MTHFD1L: variants seen among roughly 807,000 people sequenced by gnomAD.
MTHFD1L encodes the protein methylenetetrahydrofolate dehydrogenase (NADP+ dependent) 1 like.
MTHFD1L carries 81 observed loss-of-function variants against 119.5 expected under a neutral mutation model. The ratio of observed to expected loss-of-function variants is 0.68; its 90% confidence interval spans 0.57 to 0.82. The LOEUF (loss-of-function observed/expected upper bound fraction) is 0.82. Ranked by LOEUF, MTHFD1L falls within the 40% of genes least tolerant of loss-of-function variation. The probability of loss-of-function intolerance (pLI) is 0.00; values close to 1 mark genes in which losing one functional copy is unlikely to be tolerated. For synonymous variants in MTHFD1L, 430 were observed against 475.2 expected (o/e 0.90, Z 1.24); for missense variants, 1,125 against 1,253.4 (o/e 0.90, Z 1.55).
chr6:150,893,831 T>C (rs1232681420), intron 7 of MTHFD1L, among the ~76,000 whole-genome samples: 1 of 152,180 alleles, frequency 6.6e-6, no homozygotes, highest in Admixed American at 6.5e-5. Flanking sequence ...AGCATAGGCT[T>C]TGGGGACACA....
At chr6:150,952,021 G>A (rs1205672654) in intron 16 of MTHFD1L, among the ~76,000 whole-genome samples, 1 of 152,202 alleles carries the variant, frequency 6.6e-6, no homozygotes, top group Non-Finnish European at 1.5e-5. Flanking sequence ...ATGGATCTTG[G>A]AAGAGAAAGG....
chr6:150,871,901 A>ACG (rs1779602403), intron 1 of MTHFD1L, among the ~76,000 whole-genome samples: 1 of 144,800 alleles, frequency 6.9e-6, no homozygotes, highest in African/African-American at 2.7e-5. Flanking sequence ...ATTTTTTGAG[A>ACG]CAGTCTCACT....
chr6:150,898,582 G>A (rs1784624654), intron 7 of MTHFD1L, among the ~76,000 whole-genome samples: 1 of 152,206 alleles, frequency 6.6e-6, no homozygotes, highest in African/African-American at 2.4e-5. Context: ...AAAGTTTGTG[G>A]CTGCAGCATG....
rs543765483 is a variant in MTHFD1L at position 151,018,717 on chromosome 6, AC to A, written c.2586+3030del. 2.6e-5 allele frequency among the ~76,000 whole-genome samples: 4 copies of A among 151,984 alleles called. No individual in the cohort carries two copies. In the East Asian group the frequency reaches 7.8e-4, roughly 29 times the overall value. On this transcript the variant is annotated intron_variant, in intron 24 of 27. Coordinates refer to ENST00000367321, the MANE Select transcript of MTHFD1L (RefSeq NM_015440.5). ...AGTTAAAGGGGACAGTGACTGAGTG[AC>A]CCCCCTGAAGAGAAAGGGTGACAGT... is the stretch of plus-strand genomic sequence containing the variant.
intron 18 of MTHFD1L, among the ~76,000 whole-genome samples, chr6:150,961,088 A>AC (rs1491242390): frequency 7.8e-6 from 1 of 128,964 alleles, no homozygotes; most frequent in Non-Finnish European, 1.6e-5. Flanking sequence ...TTTCCTGTTA[A>AC]CTTTTTTTTT....
chr6:150,909,266 TAA>T (rs74724132), intron 8 of MTHFD1L, among the ~76,000 whole-genome samples: 12 of 140,282 alleles, frequency 8.6e-5, no homozygotes, highest in Non-Finnish European at 9.3e-5. Flanking sequence ...GTAACTACTT[TAA>T]AAAAAAAAAA....
chr6:150,889,462 G>A (rs1362816679), intron 7 of MTHFD1L, among the ~76,000 whole-genome samples: 1 of 152,126 alleles, frequency 6.6e-6, no homozygotes, highest in East Asian at 1.9e-4. Context: ...AAACCCCAAA[G>A]TTTTTCTTTC....
intron 19 of MTHFD1L, among the ~76,000 whole-genome samples, chr6:150,966,577 C>CT (rs1264425283): frequency 6.6e-6 from 1 of 152,168 alleles, no homozygotes; most frequent in Non-Finnish European, 1.5e-5. Flanking sequence ...AATCCCAGCA[C>CT]TTTGGGAGGC....
chr6:150,970,174 G>A (rs1376603590), intron 19 of MTHFD1L, among the ~76,000 whole-genome samples: 1 of 152,184 alleles, frequency 6.6e-6, no homozygotes, highest in Non-Finnish European at 1.5e-5. Flanking sequence ...AATCCTGACT[G>A]CACTTGAGAA....
intron 27 of MTHFD1L, among the ~76,000 whole-genome samples, chr6:151,095,708 A>G (rs1368551751): frequency 6.6e-6 from 1 of 152,250 alleles, no homozygotes; most frequent in East Asian, 1.9e-4. Context: ...ATGGGTGGTC[A>G]CAGCACCTCT....
chr6:151,038,415 G>A (rs892238459), intron 26 of MTHFD1L, among the ~76,000 whole-genome samples: 1 of 152,102 alleles, frequency 6.6e-6, no homozygotes, highest in Non-Finnish European at 1.5e-5. Flanking sequence ...TGGATGAGGG[G>A]GGGTGGCTGG....
intron 20 of MTHFD1L, among the ~76,000 whole-genome samples, chr6:150,976,636 C>G (rs1412047030): frequency 6.6e-6 from 1 of 151,984 alleles, no homozygotes; most frequent in African/African-American, 2.4e-5. Context: ...AAGCTCAAAC[C>G]ATAGAGAAAA....
chr6:151,100,019 T>G, intron 27 of MTHFD1L: 2 of 663,130 alleles, frequency 3.0e-6, no homozygotes, highest in Non-Finnish European at 5.1e-6. Context: ...AAGAAAGAAA[T>G]ATTTTCTTTC....
At chr6:150,911,647 A>C (rs1786899184) in intron 8 of MTHFD1L, among the ~76,000 whole-genome samples, 1 of 152,096 alleles carries the variant, frequency 6.6e-6, no homozygotes, top group African/African-American at 2.4e-5. Flanking sequence ...AGCAAGAGAG[A>C]GGGAGGGCGT....
intron 24 of MTHFD1L, among the ~76,000 whole-genome samples, chr6:151,023,919 G>A (rs901065715): frequency 5.9e-5 from 9 of 152,128 alleles, no homozygotes; most frequent in African/African-American, 2.2e-4. Flanking sequence ...TGGAGAGAGT[G>A]TCCACTTTCT....
In MTHFD1L at chr6:150,866,464, C is replaced by G. The variant is rs954205785; in HGVS notation, c.227+415C>G. 4 of 1,317,252 alleles carry G rather than the reference C, an allele frequency of 3.0e-6. No homozygotes were observed. In the Admixed American group the frequency reaches 1.7e-4, roughly 55 times the overall value. The allele number at this position is 1,317,252 out of a possible 1,614,324, so 81.6% of individuals were successfully genotyped here. On this transcript the variant is annotated intron_variant, in intron 1 of 27. Transcript: ENST00000367321. ...GGAGGAGGGCGGGGCTGCGGCTCGG[C>G]GCGCCGGCTGGCCCGGGGTTCGGGA...
chr6:151,053,263 GT>G (rs563157661), intron 26 of MTHFD1L, among the ~76,000 whole-genome samples: 6 of 151,014 alleles, frequency 4.0e-5, no homozygotes, highest in Non-Finnish European at 5.9e-5. Flanking sequence ...TCTTTGCTCT[GT>G]TTTTTTTTAT....
intron 24 of MTHFD1L, among the ~76,000 whole-genome samples, chr6:151,019,587 C>T (rs910316891): frequency 9.2e-5 from 14 of 152,198 alleles, no homozygotes; most frequent in Middle Eastern, 3.2e-3. Context: ...GGATCCCTGC[C>T]TCCTTTGCCA....
rs1472483788 is a variant in MTHFD1L, at chr6:150,877,671, A to G, written c.350A>G (p.Asn117Ser). The G allele has an allele frequency of 6.2e-7, 1 of 1,614,216 alleles. No homozygotes were observed. Among genetic ancestry groups the G allele is most frequent in the East Asian group, 2.2e-5 (1 of 44,884 alleles). ...AACTTGATGCAGGAAATCAACCAGAATTTGGCTGAGGAGGTGAGGACTGCT... is the reference window on the plus strand; with the variant it reads ...AACTTGATGCAGGAAATCAACCAGAGTTTGGCTGAGGAGGTGAGGACTGCT... Reference protein sequence around the residue: ...DDNLMQEINQNLAEEAGLNIT... With the variant: ...DDNLMQEINQSLAEEAGLNIT... Residue 117 changes from asparagine to serine, a missense_variant, in exon 3 of 28, where the codon AAT becomes AGT. Physicochemically the swap from Asn to Ser is conservative, Grantham distance 46 (BLOSUM62 1). Coordinates refer to ENST00000367321, the MANE Select transcript of MTHFD1L (RefSeq NM_015440.5).
Sources: allele counts gnomAD v4.1 joint callset (sites outside exome capture counted in the v4.1 genomes callset), GRCh38; gene constraint gnomAD v4.1.1; transcripts MANE v1.5; gene names NCBI Gene and HGNC (gene_info 2026-07-23, HGNC 2026-07-21).